RPS6KC1: variants seen among roughly 807,000 people sequenced by gnomAD.
The protein encoded by RPS6KC1 is inactive ribosomal protein S6 kinase delta-1.
Under a neutral mutation model 103.8 loss-of-function variants are expected in RPS6KC1, and 54 were observed. The observed-to-expected ratio is 0.52, with a 90% CI of 0.42 to 0.65. The LOEUF (loss-of-function observed/expected upper bound fraction) is 0.65, where lower values mean the gene tolerates loss of function less well. Ranked by LOEUF, RPS6KC1 falls within the 30% of genes least tolerant of loss-of-function variation. The pLI, the probability that RPS6KC1 is intolerant of heterozygous loss-of-function variation, is 0.00. For missense variants in RPS6KC1, 1,151 were observed against 1,253.8 expected, an observed-to-expected ratio of 0.92 and a Z score of 1.24; for synonymous variants, 439 against 438.7, an observed-to-expected ratio of 1.00 and a Z score of -0.01.
chr1:213,799,367 C>G, the RPS6KC1 span, among the ~76,000 whole-genome samples: 1 of 152,240 alleles, frequency 6.6e-6, no homozygotes, highest in Admixed American at 6.5e-5. Context: ...GTGTTTGTGG[C>G]CTTTTTGTAA....
chr1:213,239,365 G>A (rs1367081801), intron 10 of RPS6KC1, among the ~76,000 whole-genome samples: 1 of 151,860 alleles, frequency 6.6e-6, no homozygotes, highest in African/African-American at 2.4e-5. Context: ...AAATAAAATA[G>A]AGAAGGTGGT....
rs115985283 is a variant in RPS6KC1 at position 213,195,362 on chromosome 1, G to A, written c.1044+18870G>A. ...TTAGAGAAAACTTAATGGAAGGTAC[G>A]TGGGAATTTTCTGTACAATGTTTGC... On this transcript the variant is annotated intron_variant, in intron 8 of 14. Coordinates refer to ENST00000366960, the MANE Select transcript of RPS6KC1 (RefSeq NM_012424.6). Among the ~76,000 whole-genome samples the A allele has an allele frequency of 3.9e-3, 594 of 152,292 alleles. 4 individuals carry two copies. The highest frequency in any genetic ancestry group is 0.014 in the African/African-American group (575 of 41,568).
At position 213,201,239 on chromosome 1, in the gene RPS6KC1, A is replaced by G. The variant is rs117128093; in HGVS notation, c.1044+24747A>G. The stretch of plus-strand genomic sequence containing the variant: ...CTTCACTAGGTGAATGGGTAAATCA[A>G]CTGTGGTACATTTAGACAATGGAAT... On this transcript the variant is annotated intron_variant, in intron 8 of 14. Coordinates refer to ENST00000366960, the MANE Select transcript of RPS6KC1 (RefSeq NM_012424.6). Among the ~76,000 whole-genome samples, 973 of 152,372 alleles carry G rather than the reference A, an allele frequency of 6.4e-3. 25 individuals carry two copies. The highest frequency in any genetic ancestry group is 0.052 in the East Asian group (272 of 5,192).
At chr1:213,278,016 C>T (rs533908713), downstream of RPS6KC1, among the ~76,000 whole-genome samples, 15 of 152,076 alleles carry the variant, frequency 9.9e-5, no homozygotes, top group East Asian at 1.5e-3. Context: ...CCAGCCTGGG[C>T]AACATGAAGA....
the RPS6KC1 span, among the ~76,000 whole-genome samples, chr1:213,475,114 G>A: frequency 1.3e-5 from 2 of 152,194 alleles, no homozygotes; most frequent in South Asian, 4.1e-4. Context: ...TTGCGGGGCC[G>A]TTTTATTGGA....
chr1:213,392,637 TTTC>T, the RPS6KC1 span, among the ~76,000 whole-genome samples: 1 of 152,252 alleles, frequency 6.6e-6, no homozygotes, highest in Non-Finnish European at 1.5e-5. Flanking sequence ...TTTGTATTTA[TTTC>T]AATGCCACTT....
the RPS6KC1 span, among the ~76,000 whole-genome samples, chr1:213,657,356 TA>T: frequency 2.6e-5 from 4 of 152,020 alleles, no homozygotes; most frequent in Non-Finnish European, 4.4e-5. Context: ...GTAAGGAACA[TA>T]GGGGTCATTG....
At chr1:213,809,458 G>A in the RPS6KC1 span, among the ~76,000 whole-genome samples, 3 of 152,170 alleles carry the variant, frequency 2.0e-5, no homozygotes, top group South Asian at 6.2e-4. Context: ...TCATGCTGTT[G>A]GAAAAATGTC....
chr1:213,758,603 A>G, the RPS6KC1 span, among the ~76,000 whole-genome samples: 1 of 151,924 alleles, frequency 6.6e-6, no homozygotes, highest in African/African-American at 2.4e-5. Flanking sequence ...AATGTGATTC[A>G]TGATTCATGA....
chr1:213,240,921 A>G lies in RPS6KC1; in HGVS notation c.1445A>G (p.Asp482Gly), dbSNP rs2094335684. 1 of 1,613,848 alleles carries G rather than the reference A, an allele frequency of 6.2e-7. No individual in the cohort carries two copies. The highest frequency in any genetic ancestry group is 1.7e-5 in the Admixed American group (1 of 59,940). The change falls in exon 11 of 15, where the codon GAT becomes GGT. Residue 482 changes from aspartate to glycine, a missense_variant. This residue lies in a region of RPS6KC1 where 959 missense variants were observed against 1,006.3 expected (regional missense o/e 0.95). Transcript: ENST00000366960. The part of the protein sequence containing the change: ...LKSSLTPSSQ[D>G]DSNQEDDGQD... ...AGTAGTCTTACTCCAAGTTCTCAAG[A>G]TGACAGCAACCAGGAAGATGATGGC...
At chr1:213,315,578 G>A in the RPS6KC1 span, among the ~76,000 whole-genome samples, 1 of 152,126 alleles carries the variant, frequency 6.6e-6, no homozygotes, top group Non-Finnish European at 1.5e-5. Flanking sequence ...AATAGTCCTG[G>A]TATATTTCAG....
chr1:213,448,835 CA>C, the RPS6KC1 span, among the ~76,000 whole-genome samples: 2 of 151,376 alleles, frequency 1.3e-5, no homozygotes, highest in African/African-American at 4.9e-5. Context: ...TGTCCTTGCT[CA>C]AAGCTTTTAT....
At chr1:213,334,948 G>A in the RPS6KC1 span, among the ~76,000 whole-genome samples, 2 of 152,206 alleles carry the variant, frequency 1.3e-5, no homozygotes, top group Non-Finnish European at 2.9e-5. Context: ...TGCCAGTCCT[G>A]TTGGGTATTG....
the RPS6KC1 span, among the ~76,000 whole-genome samples, chr1:213,862,162 T>C: frequency 6.6e-6 from 1 of 152,204 alleles, no homozygotes; most frequent in African/African-American, 2.4e-5. Flanking sequence ...CTGCACATGC[T>C]ACGTAGTCCT....
At chr1:213,745,002 C>A in the RPS6KC1 span, among the ~76,000 whole-genome samples, 2 of 152,174 alleles carry the variant, frequency 1.3e-5, no homozygotes, top group African/African-American at 2.4e-5. Context: ...GCTGGGCAGC[C>A]CTGTCCAAAC....
At chr1:213,549,141 T>G in the RPS6KC1 span, among the ~76,000 whole-genome samples, 1 of 152,138 alleles carries the variant, frequency 6.6e-6, no homozygotes, top group African/African-American at 2.4e-5. Flanking sequence ...AGTTTATGAT[T>G]ATCCCTCTTT....
chr1:213,070,921 C>A, intron 1 of RPS6KC1, 85 bp from the exon 2 acceptor site: 1 of 823,708 alleles, frequency 1.2e-6, no homozygotes, highest in South Asian at 1.7e-5. Flanking sequence ...ATTTTTCATA[C>A]AAATACTATT....
the RPS6KC1 span, among the ~76,000 whole-genome samples, chr1:213,428,510 CT>C: frequency 1.3e-4 from 8 of 61,136 alleles, no homozygotes; most frequent in African/African-American, 4.4e-4. Context: ...TCCTTCCTTC[CT>C]TCCTTCCTCT....
At chr1:213,855,484 G>A in the RPS6KC1 span, among the ~76,000 whole-genome samples, 1 of 152,134 alleles carries the variant, frequency 6.6e-6, no homozygotes, top group African/African-American at 2.4e-5. Context: ...TGCCGACAAT[G>A]CACTCTTCCC....
Sources: gnomAD v4.1 joint callset for allele counts (sites outside exome capture counted in the v4.1 genomes callset) on GRCh38, gnomAD v4.1.1 for gene constraint, gnomAD v4.1.1 regional missense constraint, MANE v1.5 for transcripts, NCBI Gene and HGNC (gene_info 2026-07-23, HGNC 2026-07-21) for gene names.